MAML3: variants seen among roughly 807,000 people sequenced by gnomAD.
MAML3 encodes the protein mastermind-like protein 3.
MAML3 carries 27 observed loss-of-function variants against 101.9 expected under a neutral mutation model. The observed-to-expected ratio is 0.27, with a 90% CI of 0.20 to 0.37. The LOEUF is 0.37. Among genes scored for constraint, MAML3 ranks in the 10% least tolerant of loss-of-function variants. The pLI is 1.00. For missense variants in MAML3, 1,316 were observed against 1,444.9 expected (o/e 0.91, Z 1.45); for synonymous variants, 501 against 555.9 (o/e 0.90, Z 1.39).
intron 1 of MAML3, 46 bp from the exon 2 acceptor site, chr4:139,891,013 T>C (rs763234004): frequency 1.3e-6 from 2 of 1,568,780 alleles, no homozygotes; most frequent in Admixed American, 3.6e-5. Flanking sequence ...CCAAGTCATA[T>C]TTTACTCTTT....
intron 2 of MAML3, among the ~76,000 whole-genome samples, chr4:139,820,208 C>T (rs1438994131): frequency 6.7e-6 from 1 of 149,394 alleles, no homozygotes; most frequent in Non-Finnish European, 1.5e-5. Context: ...ACCCGAATGT[C>T]ATAGATATCT....
intron 1 of MAML3, among the ~76,000 whole-genome samples, chr4:140,035,231 C>G (rs1464003431): frequency 1.3e-5 from 2 of 152,252 alleles, no homozygotes; most frequent in Middle Eastern, 3.4e-3. Flanking sequence ...GCCTCAGTCT[C>G]CAAAAGTGCT....
intron 1 of MAML3, among the ~76,000 whole-genome samples, chr4:140,023,745 CTT>C (rs760150499): frequency 2.0e-5 from 3 of 152,218 alleles, no homozygotes; most frequent in Non-Finnish European, 2.9e-5. Flanking sequence ...GGTCTACACT[CTT>C]AGGCCACATT....
intron 1 of MAML3, among the ~76,000 whole-genome samples, chr4:139,971,102 T>C (rs1560853132): frequency 6.6e-6 from 1 of 152,352 alleles, no homozygotes; most frequent in East Asian, 1.9e-4. Flanking sequence ...CCAGTTTTCC[T>C]TTCTAGTTCT....
chr4:139,812,825 T>C (rs1730827794), intron 2 of MAML3, among the ~76,000 whole-genome samples: 1 of 152,030 alleles, frequency 6.6e-6, no homozygotes, highest in African/African-American at 2.4e-5. Context: ...CTCTTCACAA[T>C]GAAGGTACAG....
chr4:139,781,988 C>T (rs548383998), intron 2 of MAML3, among the ~76,000 whole-genome samples: 9 of 152,086 alleles, frequency 5.9e-5, no homozygotes, highest in South Asian at 4.1e-4. Flanking sequence ...CTGGATACCA[C>T]GGGGAACTGT....
At chr4:139,950,712 A>G (rs1403582512) in intron 1 of MAML3, among the ~76,000 whole-genome samples, 1 of 152,126 alleles carries the variant, frequency 6.6e-6, no homozygotes, top group Non-Finnish European at 1.5e-5. Context: ...TTCTGTGAAT[A>G]GTTGTGGTTT....
intron 1 of MAML3, among the ~76,000 whole-genome samples, chr4:140,141,593 G>GA (rs1184343060): frequency 3.9e-5 from 6 of 152,202 alleles, no homozygotes; most frequent in Non-Finnish European, 8.8e-5. Flanking sequence ...TCAAGGAAGT[G>GA]AATTTCCCAC....
intron 1 of MAML3, among the ~76,000 whole-genome samples, chr4:140,046,816 G>A (rs1405179604): frequency 1.3e-5 from 2 of 152,094 alleles, no homozygotes; most frequent in Non-Finnish European, 2.9e-5. Flanking sequence ...AGGGGGGACT[G>A]TACTGAAGCT....
intron 2 of MAML3, among the ~76,000 whole-genome samples, chr4:139,844,177 G>A (rs1731404885): frequency 6.6e-6 from 1 of 152,212 alleles, no homozygotes; most frequent in Non-Finnish European, 1.5e-5. Flanking sequence ...CACTCTGGCT[G>A]TAAGCGAAAC....
intron 1 of MAML3, among the ~76,000 whole-genome samples, chr4:139,985,546 G>A (rs1475224040): frequency 6.6e-6 from 1 of 152,256 alleles, no homozygotes; most frequent in Non-Finnish European, 1.5e-5. Flanking sequence ...GTAAGCAACA[G>A]TGAAACTTGC....
chr4:139,782,856 C>T (rs1162311031), intron 2 of MAML3, among the ~76,000 whole-genome samples: 1 of 152,180 alleles, frequency 6.6e-6, no homozygotes, highest in Non-Finnish European at 1.5e-5. Context: ...AATCACCTTT[C>T]ACCTAAAAAT....
At chr4:139,984,603 A>G (rs990394005) in intron 1 of MAML3, among the ~76,000 whole-genome samples, 3 of 152,222 alleles carry the variant, frequency 2.0e-5, no homozygotes, top group African/African-American at 7.2e-5. Context: ...GAGTTCTCTA[A>G]AAAAACAGAA....
intron 1 of MAML3, among the ~76,000 whole-genome samples, chr4:140,119,300 T>C (rs1252634546): frequency 1.3e-5 from 2 of 152,192 alleles, no homozygotes; most frequent in Non-Finnish European, 2.9e-5. Context: ...ATTGTAACCA[T>C]TTGCCCACTC....
chr4:139,903,662 G>A (rs766697), intron 1 of MAML3, among the ~76,000 whole-genome samples: 52,294 of 152,100 alleles, frequency 0.34, 11,259 homozygotes, highest in Non-Finnish European at 0.49. Context: ...TAGAGTGGGC[G>A]CCAATGTGAT....
At chr4:140,140,752 C>T (rs1051495733) in intron 1 of MAML3, among the ~76,000 whole-genome samples, 2 of 152,176 alleles carry the variant, frequency 1.3e-5, no homozygotes. Flanking sequence ...CAAATCATTG[C>T]CACATGTACC....
chr4:139,965,088 G>T (rs1734101982), intron 1 of MAML3, among the ~76,000 whole-genome samples: 1 of 152,076 alleles, frequency 6.6e-6, no homozygotes, highest in African/African-American at 2.4e-5. Flanking sequence ...TCTAGCAGGG[G>T]TAAAAGTATT....
intron 1 of MAML3, among the ~76,000 whole-genome samples, chr4:139,896,943 C>A (rs1485534479): frequency 6.6e-6 from 1 of 152,120 alleles, no homozygotes; most frequent in African/African-American, 2.4e-5. Context: ...GATTACCAGG[C>A]CTCTGCTGAC....
intron 1 of MAML3, among the ~76,000 whole-genome samples, chr4:139,991,640 T>C (rs537827549): frequency 2.0e-4 from 30 of 152,292 alleles, no homozygotes; most frequent in Admixed American, 6.5e-4. Flanking sequence ...TCTGTGCCAA[T>C]AGATTTTCTT....
Sources: gnomAD v4.1 joint callset for allele counts (sites outside exome capture counted in the v4.1 genomes callset) on GRCh38, gnomAD v4.1.1 for gene constraint, MANE v1.5 for transcripts, NCBI Gene and HGNC (gene_info 2026-07-23, HGNC 2026-07-21) for gene names.